The following COLEC12 variants were observed in gnomAD, a reference collection of about 807,000 sequenced individuals.
COLEC12 encodes collectin subfamily member 12, also known as collectin-12.
A neutral mutation model predicts 71.1 loss-of-function variants in COLEC12; 33 were observed. The observed-to-expected ratio is 0.46, with a 90% CI of 0.35 to 0.62. The LOEUF (loss-of-function observed/expected upper bound fraction) is 0.62, where lower values mean the gene tolerates loss of function less well. Among genes scored for constraint, COLEC12 ranks in the 20% least tolerant of loss-of-function variants. The pLI is 0.00. For synonymous variants in COLEC12, 350 were observed against 353.0 expected (o/e 0.99, Z 0.10); for missense variants, 765 against 916.1 (o/e 0.84, Z 2.13).
At chr18:476,441 C>T (rs749476385) in intron 2 of COLEC12, among the ~76,000 whole-genome samples, 11 of 152,234 alleles carry the variant, frequency 7.2e-5, no homozygotes, top group African/African-American at 2.7e-4. Context: ...TAACTCCACC[C>T]GTGATTTTCA....
intron 7 of COLEC12, 76 bp from the exon 8 acceptor site, chr18:331,853 T>A: frequency 3.4e-6 from 3 of 891,156 alleles, no homozygotes; most frequent in Admixed American, 4.3e-5. Context: ...TTATTTAACA[T>A]TTAGAAAAAA....
intron 2 of COLEC12, among the ~76,000 whole-genome samples, chr18:398,802 T>A (rs1915621717): frequency 6.6e-6 from 1 of 152,232 alleles, no homozygotes; most frequent in East Asian, 1.9e-4. Context: ...ACTGAGGAAC[T>A]CCAAAATCTC....
At chr18:349,003 A>C (rs1041710054) in intron 3 of COLEC12, among the ~76,000 whole-genome samples, 1 of 152,136 alleles carries the variant, frequency 6.6e-6, no homozygotes, top group African/African-American at 2.4e-5. Flanking sequence ...GTGGTAGTGA[A>C]TAAGTCTCAC....
rs143439162 is a variant in COLEC12, at chr18:331,558, A to G, written c.2063+110T>C. 816 of 614,576 alleles carry G rather than the reference A, an allele frequency of 1.3e-3. 6 individuals are homozygous for G. Among genetic ancestry groups the G allele is most frequent in the African/African-American group, 0.013 (707 of 53,926 alleles). The allele number at this position is 614,576 out of a possible 1,614,324, so 38.1% of individuals were successfully genotyped here. A position where few individuals can be genotyped will look rare whatever the true frequency, so the allele number is the denominator to read the frequency against. On this transcript the variant is annotated intron_variant, in intron 8 of 9. Coordinates refer to ENST00000400256, the MANE Select transcript of COLEC12 (RefSeq NM_130386.3). Reference sequence around the variant, plus strand: ...GTACCAGGAGCCCCGGTTTGGGAGGAGCGTCTAGGACACGAGGTCATTAAG... The same window carrying G: ...GTACCAGGAGCCCCGGTTTGGGAGGGGCGTCTAGGACACGAGGTCATTAAG...
chr18:473,078 T>C (rs1324041145), intron 2 of COLEC12, among the ~76,000 whole-genome samples: 1 of 152,134 alleles, frequency 6.6e-6, no homozygotes, highest in African/African-American at 2.4e-5. Context: ...ACTATATACT[T>C]GTCATACCCA....
At chr18:460,287 C>T (rs186971204) in intron 2 of COLEC12, among the ~76,000 whole-genome samples, 18 of 152,130 alleles carry the variant, frequency 1.2e-4, no homozygotes, top group Non-Finnish European at 2.4e-4. Context: ...TCATTTACTA[C>T]ACGCCTAAGG....
chr18:324,379 T>C (rs1913785640), intron 8 of COLEC12, among the ~76,000 whole-genome samples: 1 of 152,162 alleles, frequency 6.6e-6, no homozygotes, highest in Non-Finnish European at 1.5e-5. Flanking sequence ...ATCATACACA[T>C]GTCACAGAAG....
intron 8 of COLEC12, among the ~76,000 whole-genome samples, chr18:323,158 G>A (rs1028538172): frequency 5.3e-5 from 8 of 152,158 alleles, no homozygotes; most frequent in Non-Finnish European, 1.0e-4. Flanking sequence ...CCAGGAGGTG[G>A]AGGTTTGCAG....
At chr18:464,288 C>G (rs1039288338) in intron 2 of COLEC12, among the ~76,000 whole-genome samples, 1 of 152,206 alleles carries the variant, frequency 6.6e-6, no homozygotes, top group African/African-American at 2.4e-5. Flanking sequence ...TCCTCAGCAT[C>G]CCTAATAAAC....
intron 2 of COLEC12, among the ~76,000 whole-genome samples, chr18:447,008 C>A (rs1047113558): frequency 1.3e-5 from 2 of 152,208 alleles, no homozygotes; most frequent in Admixed American, 6.5e-5. Context: ...TATCTTTCCA[C>A]GTCCAAGAGG....
In COLEC12 at chr18:347,232, G is replaced by A; in HGVS notation, c.390C>T (p.Ser130=). 6.2e-7 allele frequency: 1 copy of A among 1,614,120 alleles called. No homozygotes were observed. Among genetic ancestry groups the A allele is most frequent in the South Asian group, 1.1e-5 (1 of 91,078 alleles). The change falls in exon 5 of 10, where the codon AGC becomes AGT. Residue 130 remains serine, a synonymous_variant. Coordinates refer to ENST00000400256, the MANE Select transcript of COLEC12 (RefSeq NM_130386.3). ...QQLREITEKT[S]KNKDTLEKLQ... is the part of the protein sequence containing the mutation. ...ACTTCTCCAGCGTATCCTTGTTCTT[G>A]CTGGTTTTTTCTGTAATCTCACGAA...
At position 474,744 on chromosome 18, in the gene COLEC12, C is replaced by T. The variant is rs191164078; in HGVS notation, c.58+5963G>A. On this transcript the variant is annotated intron_variant, in intron 2 of 9. Transcript: ENST00000400256. ...TGTCAGCCTGAGAATCTCTTTTGCACTGAGTTCCTCACATGCCATTTTGAC... is the reference window on the plus strand; with the variant it reads ...TGTCAGCCTGAGAATCTCTTTTGCATTGAGTTCCTCACATGCCATTTTGAC... 5.3e-5 allele frequency among the ~76,000 whole-genome samples: 8 copies of T among 152,320 alleles called. No homozygotes were observed. The East Asian group carries it at 9.7e-4, about 18-fold the overall frequency.
chr18:346,414 T>C lies in COLEC12; in HGVS notation c.1208A>G (p.Gln403Arg). The C allele has an allele frequency of 6.2e-7, 1 of 1,614,190 alleles. No individual in the cohort carries two copies. The highest frequency in any genetic ancestry group is 8.5e-7 in the Non-Finnish European group (1 of 1,180,036). Residue 403 changes from glutamine to arginine, a missense_variant, in exon 5 of 10, where the codon CAA becomes CGA. Gln to Arg is a conservative substitution (Grantham distance 43). Transcript: ENST00000400256. The surrounding 1 kb of genome is among the most constrained non-coding windows in gnomAD (Gnocchi z 4.0). ...RLDSVSLRMQ[Q>R]DLMRSRLDTE... ...GTCTAACCTCGACCTCATCAAATCT[T>C]GTTGCATCCTGAGAGAAACAGAATC...
intron 2 of COLEC12, among the ~76,000 whole-genome samples, chr18:391,978 G>A (rs1029295678): frequency 6.6e-6 from 1 of 152,114 alleles, no homozygotes; most frequent in African/African-American, 2.4e-5. Context: ...CAATTCATAC[G>A]TGGCATCATA....
intron 8 of COLEC12, among the ~76,000 whole-genome samples, chr18:329,181 G>A (rs550377530): frequency 4.6e-5 from 7 of 152,170 alleles, no homozygotes; most frequent in Non-Finnish European, 1.0e-4. Flanking sequence ...CTGGACCCCA[G>A]GGAAGAGGAG....
chr18:421,981 G>A (rs1010289677), intron 2 of COLEC12, among the ~76,000 whole-genome samples: 2 of 152,162 alleles, frequency 1.3e-5, no homozygotes, highest in African/African-American at 4.8e-5. Context: ...ACTGCTGGGT[G>A]AGTCACTGGA....
At chr18:361,638 T>A (rs1914746497) in intron 2 of COLEC12, among the ~76,000 whole-genome samples, 2 of 152,170 alleles carry the variant, frequency 1.3e-5, no homozygotes, top group African/African-American at 4.8e-5. Context: ...GAAAAAAGAC[T>A]CTTTACATCC....
chr18:397,841 T>G (rs1915602827), intron 2 of COLEC12, among the ~76,000 whole-genome samples: 1 of 152,228 alleles, frequency 6.6e-6, no homozygotes, highest in South Asian at 2.1e-4. Flanking sequence ...GCCCATTCAG[T>G]TAGGGTTAAA....
intron 2 of COLEC12, among the ~76,000 whole-genome samples, chr18:391,706 C>T (rs58773036): frequency 0.01 from 1,551 of 152,254 alleles, 23 homozygotes; most frequent in African/African-American, 0.034. Context: ...TCTATATCCA[C>T]CAATTCTCCA....
Sources: gnomAD v4.1 joint callset for allele counts (sites outside exome capture counted in the v4.1 genomes callset) on GRCh38, gnomAD v4.1.1 for gene constraint, Gnocchi (gnomAD v3.1) non-coding constraint, MANE v1.5 for transcripts, NCBI Gene and HGNC (gene_info 2026-07-23, HGNC 2026-07-21) for gene names.